Variants in RAB6A observed in about 807,000 individuals in gnomAD.
RAB6A encodes ras-related protein Rab-6A.
In RAB6A, 8 loss-of-function variants were observed where a neutral mutation model predicts 32.3. The ratio of observed to expected loss-of-function variants is 0.25; its 90% CI spans 0.15 to 0.45. RAB6A has a LOEUF of 0.45. Among genes scored for constraint, RAB6A ranks in the 20% least tolerant of loss-of-function variants. The probability of loss-of-function intolerance (pLI) is 1.00; values close to 1 mark genes in which losing one functional copy is unlikely to be tolerated. For synonymous variants in RAB6A, 73 were observed against 82.1 expected, an observed-to-expected ratio of 0.89 and a Z score of 0.60; for missense variants, 104 against 249.4, an observed-to-expected ratio of 0.42 and a Z score of 3.93.
chr11:73,685,249 G>A lies in RAB6A; in HGVS notation c.496-5529C>T, dbSNP rs527453038. ...TGTGTAAGTTAAGGGAAATAATTAT[G>A]CAAAGTGTTTTAGTACTGACCTGCT... On this transcript the variant is annotated intron_variant, in intron 6 of 7. Transcript: ENST00000336083. Among the ~76,000 whole-genome samples, 23 of 150,164 alleles carry A rather than the reference G, an allele frequency of 1.5e-4. No homozygotes were observed. The East Asian group carries it at 3.7e-3, about 24-fold the overall frequency.
At chr11:73,718,098 T>A (rs1033718525) in intron 4 of RAB6A, among the ~76,000 whole-genome samples, 2 of 152,168 alleles carry the variant, frequency 1.3e-5, no homozygotes, top group African/African-American at 4.8e-5. Flanking sequence ...AGAACCAAAA[T>A]ATGATTCAAA....
intron 1 of RAB6A, among the ~76,000 whole-genome samples, chr11:73,742,415 G>A (rs992302187): frequency 3.3e-5 from 5 of 152,178 alleles, no homozygotes; most frequent in African/African-American, 1.2e-4. Flanking sequence ...TGGGATTACA[G>A]GCGTGATCCA....
At chr11:73,748,235 C>T (rs1946621145) in intron 1 of RAB6A, among the ~76,000 whole-genome samples, 1 of 152,056 alleles carries the variant, frequency 6.6e-6, no homozygotes, top group Non-Finnish European at 1.5e-5. Flanking sequence ...TATTTTAATT[C>T]TCTAATATAG....
chr11:73,733,962 AAAGAGT>A (rs1327824998), intron 1 of RAB6A, among the ~76,000 whole-genome samples: 2 of 152,174 alleles, frequency 1.3e-5, no homozygotes, highest in Non-Finnish European at 2.9e-5. Context: ...TCTTTTTCTC[AAAGAGT>A]AAAACACTTT....
chr11:73,703,721 A>C (rs1945784968), intron 6 of RAB6A, among the ~76,000 whole-genome samples: 2 of 152,056 alleles, frequency 1.3e-5, no homozygotes, highest in Admixed American at 6.6e-5. Flanking sequence ...AGCCTGGGCA[A>C]CAGAGCAAGA....
In RAB6A at chr11:73,760,670, A is replaced by G; in HGVS notation, c.-35T>C. On this transcript the variant is annotated 5_prime_UTR_variant, in exon 1 of 8. Transcript: ENST00000336083. ...AGAGGAGCGGCCGCCGCCTCAGCCT[A>G]GAGACCTCCCGGACCGATGCTGCTC... The G allele has an allele frequency of 6.3e-7, 1 of 1,594,276 alleles. No homozygotes were observed. Among genetic ancestry groups the G allele is most frequent in the Non-Finnish European group, 8.5e-7 (1 of 1,170,954 alleles).
chr11:73,735,195 A>T (rs531386284), intron 1 of RAB6A, among the ~76,000 whole-genome samples: 7 of 152,328 alleles, frequency 4.6e-5, no homozygotes, highest in African/African-American at 1.7e-4. Context: ...CAGACACAAC[A>T]ATGATCTCAG....
intron 1 of RAB6A, among the ~76,000 whole-genome samples, chr11:73,750,058 A>G (rs1200151843): frequency 6.6e-6 from 1 of 152,178 alleles, no homozygotes; most frequent in East Asian, 1.9e-4. Context: ...TTATAATAAC[A>G]GGTAAAGATG....
intron 1 of RAB6A, among the ~76,000 whole-genome samples, chr11:73,731,872 G>C (rs980516718): frequency 4.0e-5 from 6 of 150,486 alleles, no homozygotes; most frequent in African/African-American, 1.5e-4. Context: ...CTCCCAAATA[G>C]CTGGGACTAC....
intron 7 of RAB6A, among the ~76,000 whole-genome samples, chr11:73,679,079 T>C (rs1020354975): frequency 1.3e-5 from 2 of 152,272 alleles, no homozygotes; most frequent in African/African-American, 4.8e-5. Flanking sequence ...AAGAGCTGAA[T>C]ACAAAGTGCT....
chr11:73,754,783 G>A (rs145176627), intron 1 of RAB6A, among the ~76,000 whole-genome samples: 12 of 152,118 alleles, frequency 7.9e-5, no homozygotes, highest in Admixed American at 4.6e-4. Flanking sequence ...AGCCAGGCAT[G>A]GCGGCATGTA....
At chr11:73,753,720 C>A (rs1419290659) in intron 1 of RAB6A, among the ~76,000 whole-genome samples, 7 of 149,558 alleles carry the variant, frequency 4.7e-5, no homozygotes, top group South Asian at 2.3e-4. Context: ...GAAAAAAAAA[C>A]AAAAAAACAA....
At chr11:73,719,720 A>G (rs961441752) in intron 3 of RAB6A, among the ~76,000 whole-genome samples, 4 of 151,182 alleles carry the variant, frequency 2.6e-5, no homozygotes, top group Admixed American at 2.0e-4. Flanking sequence ...GGTTCAAACG[A>G]TTCTCCTGCC....
At chr11:73,678,598 C>A (rs1206250939) in intron 7 of RAB6A, among the ~76,000 whole-genome samples, 1 of 148,018 alleles carries the variant, frequency 6.8e-6, no homozygotes, top group Non-Finnish European at 1.5e-5. Flanking sequence ...GCCTGGGCGA[C>A]AGAATGAGAC....
chr11:73,692,502 CAAAA>C (rs34201129), intron 6 of RAB6A, among the ~76,000 whole-genome samples: 1 of 56,440 alleles, frequency 1.8e-5, no homozygotes, highest in African/African-American at 7.4e-5. Flanking sequence ...GACTCTGTCT[CAAAA>C]AAAAAAAAAA....
intron 6 of RAB6A, among the ~76,000 whole-genome samples, chr11:73,707,075 G>A (rs1945857755): frequency 6.9e-6 from 1 of 145,384 alleles, no homozygotes; most frequent in East Asian, 2.1e-4. Context: ...CCGAGATCAC[G>A]CCATTGCATT....
intron 1 of RAB6A, among the ~76,000 whole-genome samples, chr11:73,742,037 G>A (rs535646590): frequency 2.0e-5 from 3 of 151,936 alleles, no homozygotes; most frequent in South Asian, 2.1e-4. Flanking sequence ...ATTCCAGCAC[G>A]TTGGGAGGCT....
At chr11:73,734,669 T>C (rs1003329222) in intron 1 of RAB6A, among the ~76,000 whole-genome samples, 13 of 152,164 alleles carry the variant, frequency 8.5e-5, no homozygotes, top group African/African-American at 2.4e-4. Context: ...CAGTTCACTA[T>C]AGGGTTCTCG....
At chr11:73,760,448 G>C in intron 1 of RAB6A, 118 bp downstream of exon 1, 3 of 1,347,198 alleles carry the variant, frequency 2.2e-6, no homozygotes, top group Non-Finnish European at 3.0e-6. Flanking sequence ...AAGGGCTGCG[G>C]TGGCAACGAG....
Sources: allele counts gnomAD v4.1 joint callset (sites outside exome capture counted in the v4.1 genomes callset), GRCh38; gene constraint gnomAD v4.1.1; transcripts MANE v1.5; gene names NCBI Gene and HGNC (gene_info 2026-07-23, HGNC 2026-07-21).